Variants in KIAA1549L observed in about 807,000 individuals in gnomAD.
The protein encoded by KIAA1549L is KIAA1549 like.
In KIAA1549L, 88 loss-of-function variants were observed where a neutral mutation model predicts 160.7. That is an observed-to-expected ratio of 0.55 (90% CI 0.46 to 0.65). The LOEUF is 0.65. Ranked by LOEUF, KIAA1549L falls within the 30% of genes least tolerant of loss-of-function variation. KIAA1549L has a pLI of 0.00. For synonymous variants in KIAA1549L, 950 were observed against 976.7 expected (o/e 0.97, Z 0.51); for missense variants, 2,258 against 2,437.5 (o/e 0.93, Z 1.55).
At chr11:33,615,195 G>T (rs1216881321) in intron 15 of KIAA1549L, among the ~76,000 whole-genome samples, 1 of 152,036 alleles carries the variant, frequency 6.6e-6, no homozygotes, top group Non-Finnish European at 1.5e-5. Flanking sequence ...CCCCACGTAA[G>T]GTAATAATAT....
At position 33,570,006 on chromosome 11, in the gene KIAA1549L, C is replaced by CTCT. The variant is rs377114558; in HGVS notation, c.4230+1780_4230+1781insCTT. Among the ~76,000 whole-genome samples, 362 of 134,544 alleles carry CTCT rather than the reference C, an allele frequency of 2.7e-3. 3 individuals are homozygous for CTCT. Among genetic ancestry groups the CTCT allele is most frequent in the Middle Eastern group, 7.6e-3 (2 of 264 alleles). The allele number at this position is 134,544 out of a possible 152,430, so 88.3% of individuals were successfully genotyped here. ...GTGTTCTTTCTCTCTCTCTCTCTCT[C>CTCT]TTTTTTTTTTTTTTTGAGACGGAGT... On this transcript the variant is annotated intron_variant, in intron 9 of 20. Coordinates refer to ENST00000658780, the MANE Select transcript of KIAA1549L (RefSeq NM_012194.3).
At chr11:33,416,671 G>A (rs2134095879) in intron 1 of KIAA1549L, among the ~76,000 whole-genome samples, 1 of 152,230 alleles carries the variant, frequency 6.6e-6, no homozygotes, top group South Asian at 2.1e-4. Context: ...GGTATCCTTA[G>A]GGGCCCTGGA....
chr11:33,631,816 G>T (rs1441243742), intron 16 of KIAA1549L, among the ~76,000 whole-genome samples: 4 of 152,114 alleles, frequency 2.6e-5, no homozygotes, highest in Non-Finnish European at 5.9e-5. Flanking sequence ...ACTCCTCGAG[G>T]ACAGGAGTCA....
At chr11:33,583,959 A>T (rs1244802172) in intron 11 of KIAA1549L, among the ~76,000 whole-genome samples, 1 of 152,172 alleles carries the variant, frequency 6.6e-6, no homozygotes, top group Non-Finnish European at 1.5e-5. Flanking sequence ...CCACAGATTT[A>T]TATGTTGAAA....
At chr11:33,632,747 TTTTA>T (rs537181522) in intron 16 of KIAA1549L, among the ~76,000 whole-genome samples, 9 of 152,000 alleles carry the variant, frequency 5.9e-5, no homozygotes, top group South Asian at 4.2e-4. Flanking sequence ...AATTTTTAAT[TTTTA>T]TTTATTTATT....
Position 33,542,051 on chromosome 11 carries a change from G to T in KIAA1549L, c.488G>T (p.Ser163Ile). 4.3e-6 allele frequency: 2 copies of T among 465,786 alleles called. No individual in the cohort carries two copies. Among genetic ancestry groups the T allele is most frequent in the Non-Finnish European group, 8.6e-6 (2 of 233,274 alleles). The allele number at this position is 465,786 out of a possible 1,614,324, so 28.9% of individuals were successfully genotyped here. ...ADFSSSLYQG[S>I]GHSASLEPSK... ...TTCTCTTCTTCCCTTTACCAAGGAAGCGGACATAGCGCCTCCCTCGAACCT... is the reference window on the plus strand; with the variant it reads ...TTCTCTTCTTCCCTTTACCAAGGAATCGGACATAGCGCCTCCCTCGAACCT... Residue 163 changes from serine (S) to isoleucine (I), a missense_variant, in exon 2 of 21, where the codon AGC (serine) becomes ATC (isoleucine). Physicochemically the swap from Ser to Ile is moderately radical, Grantham distance 142. Transcript: ENST00000658780.
chr11:33,511,620 G>A (rs1853228931), intron 1 of KIAA1549L, among the ~76,000 whole-genome samples: 1 of 152,186 alleles, frequency 6.6e-6, no homozygotes, highest in Admixed American at 6.5e-5. Context: ...AAAATGCAGA[G>A]CCTTGGTGCC....
At chr11:33,604,372 A>C (rs1850443468) in intron 13 of KIAA1549L, among the ~76,000 whole-genome samples, 1 of 152,230 alleles carries the variant, frequency 6.6e-6, no homozygotes, top group Non-Finnish European at 1.5e-5. Flanking sequence ...AAATTAGTAC[A>C]ACCCCTATGC....
chr11:33,549,392 G>C (rs541272759), intron 4 of KIAA1549L, among the ~76,000 whole-genome samples: 1 of 152,148 alleles, frequency 6.6e-6, no homozygotes, highest in Non-Finnish European at 1.5e-5. Flanking sequence ...AATTAGCAAG[G>C]GTTAGAGAGA....
At chr11:33,386,101 A>G (rs1850167290) in intron 1 of KIAA1549L, among the ~76,000 whole-genome samples, 1 of 152,196 alleles carries the variant, frequency 6.6e-6, no homozygotes, top group Non-Finnish European at 1.5e-5. Flanking sequence ...ACTGGCTAGA[A>G]CTTCTAGTAC....
intron 3 of KIAA1549L, 133 bp from the exon 4 acceptor site, chr11:33,547,631 C>T (rs1854309388): frequency 1.6e-6 from 1 of 616,588 alleles, no homozygotes; most frequent in South Asian, 2.0e-5. Context: ...CAGCGCACCC[C>T]CTCAATGATG....
intron 1 of KIAA1549L, among the ~76,000 whole-genome samples, chr11:33,425,899 G>A (rs1193367104): frequency 6.6e-6 from 1 of 152,154 alleles, no homozygotes; most frequent in Non-Finnish European, 1.5e-5. Context: ...GTCTAAGCAC[G>A]AGAAAACACC....
At position 33,542,155 on chromosome 11, in the gene KIAA1549L, C is replaced by T. The variant is rs1338192846; in HGVS notation, c.592C>T (p.Leu198Phe). The change falls in exon 2 of 21, where the codon CTC becomes TTC. Residue 198 changes from leucine to phenylalanine, a missense_variant. Physicochemically the swap from Leu to Phe is conservative, Grantham distance 22 (BLOSUM62 0). Coordinates refer to ENST00000658780, the MANE Select transcript of KIAA1549L (RefSeq NM_012194.3). Reference protein sequence around the residue: ...QEAADVSGLPLTSMLPSLSTV... With the variant: ...QEAADVSGLPFTSMLPSLSTV... ...AGCAGCCGATGTGTCAGGTTTGCCT[C>T]TCACCAGCATGCTCCCCTCGTTGTC... is the stretch of plus-strand genomic sequence containing the variant. 2 of 590,288 alleles carry T rather than the reference C, an allele frequency of 3.4e-6. No homozygotes were observed. The highest frequency in any genetic ancestry group is 6.4e-6 in the Non-Finnish European group (2 of 312,580). The allele number at this position is 590,288 out of a possible 1,614,324, so 36.6% of individuals were successfully genotyped here. A position where few individuals can be genotyped will look rare whatever the true frequency, so the allele number is the denominator to read the frequency against.
chr11:33,541,046 G>A (rs1245811288), intron 1 of KIAA1549L, among the ~76,000 whole-genome samples: 1 of 152,192 alleles, frequency 6.6e-6, no homozygotes, highest in Non-Finnish European at 1.5e-5. Flanking sequence ...TGAACTTCTA[G>A]CTTTCCAAGA....
At chr11:33,550,166 A>G (rs1361215424) in intron 4 of KIAA1549L, among the ~76,000 whole-genome samples, 2 of 152,098 alleles carry the variant, frequency 1.3e-5, no homozygotes, top group Non-Finnish European at 1.5e-5. Context: ...TGAACAGCAC[A>G]CTAAAAAATA....
chr11:33,579,231 A>T (rs1565195409), intron 10 of KIAA1549L, among the ~76,000 whole-genome samples: 1 of 152,196 alleles, frequency 6.6e-6, no homozygotes, highest in African/African-American at 2.4e-5. Context: ...TGTTGCCTGT[A>T]AAGGGCTTGG....
chr11:33,560,673 A>G (rs937332313), intron 7 of KIAA1549L, among the ~76,000 whole-genome samples: 3 of 152,246 alleles, frequency 2.0e-5, no homozygotes, highest in Non-Finnish European at 2.9e-5. Flanking sequence ...TTGTACTCCT[A>G]AATTTAAACA....
chr11:33,560,652 G>A (rs1854823979), intron 7 of KIAA1549L, among the ~76,000 whole-genome samples: 1 of 152,194 alleles, frequency 6.6e-6, no homozygotes, highest in Admixed American at 6.5e-5. Flanking sequence ...GTAGCCAAAG[G>A]ATGGAAAGGT....
intron 10 of KIAA1549L, among the ~76,000 whole-genome samples, chr11:33,576,443 G>C (rs1329720005): frequency 6.6e-6 from 1 of 152,076 alleles, no homozygotes; most frequent in Non-Finnish European, 1.5e-5. Context: ...CCCTCCCTGT[G>C]GGCTCCGTCC....
Sources: allele counts gnomAD v4.1 joint callset (sites outside exome capture counted in the v4.1 genomes callset), GRCh38; gene constraint gnomAD v4.1.1; transcripts MANE v1.5; gene names NCBI Gene and HGNC (gene_info 2026-07-23, HGNC 2026-07-21).